GPR160: variants seen among roughly 807,000 people sequenced by gnomAD.
GPR160 encodes the protein probable G protein-coupled receptor 160.
In GPR160, 2 loss-of-function variants were observed where a neutral mutation model predicts 2.6. That is an observed-to-expected ratio of 0.77 (90% confidence interval 0.32 to 2.44). GPR160 has a LOEUF of 2.44. Ranked by LOEUF, GPR160 falls within the 30% of genes most tolerant of loss-of-function variation. The pLI is 0.11. For missense variants in GPR160, 351 were observed against 383.6 expected, an observed-to-expected ratio of 0.91 and a Z score of 0.71; for synonymous variants, 130 against 132.2, an observed-to-expected ratio of 0.98 and a Z score of 0.12.
chr3:170,064,469 G>A (rs1030178295), intron 2 of GPR160, among the ~76,000 whole-genome samples: 1 of 150,552 alleles, frequency 6.6e-6, no homozygotes, highest in African/African-American at 2.4e-5. Flanking sequence ...AGTAGGTGGC[G>A]GCCTCGACCC....
chr3:170,068,797 C>CT (rs1298156708), intron 2 of GPR160, among the ~76,000 whole-genome samples: 5 of 152,014 alleles, frequency 3.3e-5, no homozygotes, highest in African/African-American at 4.8e-5. Flanking sequence ...TCCAAGTTGT[C>CT]TTTTTTCTGC....
intron 2 of GPR160, among the ~76,000 whole-genome samples, chr3:170,064,548 T>TCA (rs1189039787): frequency 1.4e-4 from 18 of 133,082 alleles, no homozygotes; most frequent in African/African-American, 5.0e-4. Flanking sequence ...AGGCAGAGTC[T>TCA]CACTCTGTCG....
chr3:170,069,426 G>A (rs1665927199), intron 2 of GPR160, among the ~76,000 whole-genome samples: 1 of 152,182 alleles, frequency 6.6e-6, no homozygotes, highest in Non-Finnish European at 1.5e-5. Context: ...TATTAAAACT[G>A]CAGATTGGTT....
intron 2 of GPR160, among the ~76,000 whole-genome samples, chr3:170,075,986 TAAAAC>T (rs1295982554): frequency 1.3e-5 from 2 of 152,170 alleles, no homozygotes; most frequent in Non-Finnish European, 2.9e-5. Flanking sequence ...AGTGTATAAA[TAAAAC>T]AGGAAAGGAC....
intron 2 of GPR160, among the ~76,000 whole-genome samples, chr3:170,051,724 C>CA (rs1369916664): frequency 6.6e-5 from 10 of 151,476 alleles, no homozygotes; most frequent in African/African-American, 1.9e-4. Context: ...AACTCTGTCT[C>CA]AAAAAATAAA....
intron 2 of GPR160, among the ~76,000 whole-genome samples, chr3:170,044,081 T>C (rs1213705266): frequency 6.6e-6 from 1 of 151,294 alleles, no homozygotes; most frequent in Non-Finnish European, 1.5e-5. Context: ...GAAAGACACT[T>C]TGGGAGGCCA....
At chr3:170,072,067 C>CTTTTTTTTTT (rs1202875086) in intron 2 of GPR160, among the ~76,000 whole-genome samples, 1 of 85,966 alleles carries the variant, frequency 1.2e-5, no homozygotes, top group Non-Finnish European at 2.1e-5. Flanking sequence ...TGTATACAAG[C>CTTTTTTTTTT]TTTTTTTTTT....
chr3:170,065,228 C>A (rs970094653), intron 2 of GPR160, among the ~76,000 whole-genome samples: 10 of 152,034 alleles, frequency 6.6e-5, no homozygotes, highest in African/African-American at 2.4e-4. Flanking sequence ...CCTTTCTAAA[C>A]TTTTTTGTTT....
chr3:170,083,400 C>T (rs1713237835), intron 3 of GPR160: 2 of 152,120 alleles, frequency 1.3e-5, no homozygotes, highest in South Asian at 2.1e-4. Flanking sequence ...CAGGAAAAGA[C>T]TTAATCTGAA....
At chr3:170,049,585 T>C (rs1716868320) in intron 2 of GPR160, among the ~76,000 whole-genome samples, 1 of 152,210 alleles carries the variant, frequency 6.6e-6, no homozygotes, top group African/African-American at 2.4e-5. Flanking sequence ...CACTGGGTAG[T>C]GTGGTCTGTA....
rs1713375956 is a variant in GPR160, at chr3:170,085,254, G to A, written c.*265G>A. 4.2e-6 allele frequency: 1 copy of A among 236,598 alleles called. No individual in the cohort carries two copies. Among genetic ancestry groups the A allele is most frequent in the Non-Finnish European group, 8.7e-6 (1 of 115,520 alleles). The allele number at this position is 236,598 out of a possible 1,614,324, so 14.7% of individuals were successfully genotyped here. On this transcript the variant is annotated 3_prime_UTR_variant, in exon 4 of 4. Coordinates refer to ENST00000355897, the MANE Select transcript of GPR160 (RefSeq NM_014373.3). ...TTGTTATTAACACAAAAAGTGATAA[G>A]AGTTAACATTTGGCTATACTGATGT... is the stretch of plus-strand genomic sequence containing the variant.
At chr3:170,043,315 G>A (rs1252004661) in intron 2 of GPR160, among the ~76,000 whole-genome samples, 1 of 152,124 alleles carries the variant, frequency 6.6e-6, no homozygotes, top group African/African-American at 2.4e-5. Context: ...CCACGTAGCT[G>A]GGATTACAGG....
chr3:170,068,763 C>G (rs2108336394), intron 2 of GPR160, among the ~76,000 whole-genome samples: 1 of 152,256 alleles, frequency 6.6e-6, no homozygotes, highest in African/African-American at 2.4e-5. Context: ...TAGCTTTCTT[C>G]TATCTAGCAT....
chr3:170,061,829 A>G (rs959377671), intron 2 of GPR160, among the ~76,000 whole-genome samples: 4 of 151,948 alleles, frequency 2.6e-5, no homozygotes, highest in African/African-American at 4.8e-5. Flanking sequence ...AAATGGTTAT[A>G]TACTATCTCT....
rs561664509 is a variant in GPR160, at chr3:170,084,132, T to C, written c.160T>C (p.Phe54Leu). The change falls in exon 4 of 4, where the codon TTT (phenylalanine) becomes CTT (leucine). Residue 54 changes from phenylalanine to leucine, a missense_variant. Phe to Leu is a conservative substitution (Grantham distance 22). Transcript: ENST00000355897. ...GAGAAGAAAAAACACCTGTCAAAAT[T>C]TTATGGAATATTTTTGCATTTCACT... ...GMRRKNTCQN[F>L]MEYFCISLAF... 14 of 1,593,662 alleles carry C rather than the reference T, an allele frequency of 8.8e-6. No individual in the cohort carries two copies. The South Asian group carries it at 1.6e-4, about 18-fold the overall frequency.
In GPR160 at chr3:170,084,725, CTGGT is replaced by C; in HGVS notation, c.755_758del (p.Trp252TyrfsTer8). ...AGCTCATTGTCTGTTTTCTCAGTAC[CTGGT>C]TACCATTTGTACTACTTCAGGTAAT... is the stretch of plus-strand genomic sequence containing the variant. On this transcript the variant is annotated frameshift_variant, in exon 4 of 4. Coordinates refer to ENST00000355897, the MANE Select transcript of GPR160 (RefSeq NM_014373.3). LOFTEE classifies it high-confidence loss of function. The C allele has an allele frequency of 6.2e-7, 1 of 1,611,546 alleles. No individual in the cohort carries two copies. Among genetic ancestry groups the C allele is most frequent in the Middle Eastern group, 1.7e-4 (1 of 6,054 alleles).
At chr3:170,078,092 G>A (rs1712956293) in intron 2 of GPR160, 1 of 147,060 alleles carries the variant, frequency 6.8e-6, no homozygotes, top group African/African-American at 2.7e-5. Flanking sequence ...GCCTCAGTTT[G>A]AGGCCCAATT....
At chr3:170,050,054 G>A (rs1218851029) in intron 2 of GPR160, 1 of 151,356 alleles carries the variant, frequency 6.6e-6, no homozygotes, top group Non-Finnish European at 1.5e-5. Context: ...GGTACACTCA[G>A]ACAATTCCTT....
In GPR160 at chr3:170,085,181, C is replaced by CAA; in HGVS notation, c.*193_*194dup. ...TTTTATTTTAAAAACAAAATAATTCCAAGAAGTTTTTATAGTTATTCAGGG... is the reference window on the plus strand; with the variant it reads ...TTTTATTTTAAAAACAAAATAATTCCAAAAGAAGTTTTTATAGTTATTCAGGG... On this transcript the variant is annotated 3_prime_UTR_variant, in exon 4 of 4. Transcript: ENST00000355897. 2.6e-6 allele frequency: 1 copy of CAA among 388,050 alleles called. No individual in the cohort carries two copies. Among genetic ancestry groups the CAA allele is most frequent in the Non-Finnish European group, 4.7e-6 (1 of 211,174 alleles). The allele number at this position is 388,050 out of a possible 1,614,324, so 24.0% of individuals were successfully genotyped here.
Sources: gnomAD v4.1 joint callset for allele counts (sites outside exome capture counted in the v4.1 genomes callset) on GRCh38, gnomAD v4.1.1 for gene constraint, MANE v1.5 for transcripts, NCBI Gene and HGNC (gene_info 2026-07-23, HGNC 2026-07-21) for gene names.